The following THSD4 variants were observed in gnomAD, a reference collection of about 807,000 sequenced individuals.
The protein encoded by THSD4 is thrombospondin type-1 domain-containing protein 4.
Under a neutral mutation model 119.0 loss-of-function variants are expected in THSD4, and 69 were observed. The ratio of observed to expected loss-of-function variants is 0.58; its 90% CI spans 0.48 to 0.71. The LOEUF (loss-of-function observed/expected upper bound fraction) is 0.71, where lower values mean the gene tolerates loss of function less well. THSD4 is among the 30% of genes least tolerant of loss of function. THSD4 has a pLI of 0.00. For synonymous variants in THSD4, 524 were observed against 540.4 expected, an observed-to-expected ratio of 0.97 and a Z score of 0.42; for missense variants, 1,393 against 1,391.1, an observed-to-expected ratio of 1.00 and a Z score of -0.02.
chr15:71,354,030 C>T (rs962328542), intron 6 of THSD4, among the ~76,000 whole-genome samples: 2 of 152,218 alleles, frequency 1.3e-5, no homozygotes, highest in African/African-American at 4.8e-5. Context: ...GGTGTGGTAG[C>T]TCATGCCCAT....
intron 2 of THSD4, among the ~76,000 whole-genome samples, chr15:71,153,409 C>A (rs1172849675): frequency 1.3e-5 from 2 of 152,174 alleles, no homozygotes; most frequent in African/African-American, 4.8e-5. Flanking sequence ...TACTTAGTAT[C>A]CATGTTCTCA....
chr15:71,544,877 C>T (rs112341151), intron 7 of THSD4, among the ~76,000 whole-genome samples: 1 of 152,174 alleles, frequency 6.6e-6, no homozygotes, highest in Non-Finnish European at 1.5e-5. Flanking sequence ...ACCTTGGGAA[C>T]ATGCTCTGTG....
chr15:71,396,948 T>G (rs2140478422), intron 6 of THSD4, among the ~76,000 whole-genome samples: 1 of 152,358 alleles, frequency 6.6e-6, no homozygotes, highest in Non-Finnish European at 1.5e-5. Context: ...TGAAACTATG[T>G]GTCTAGGAAC....
chr15:71,377,513 G>A (rs2046154615), intron 6 of THSD4, among the ~76,000 whole-genome samples: 1 of 152,112 alleles, frequency 6.6e-6, no homozygotes, highest in Admixed American at 6.5e-5. Flanking sequence ...CAGGGGAAGG[G>A]AACCAGGGGG....
intron 9 of THSD4, chr15:71,729,944 C>T (rs911007529): frequency 3.9e-5 from 6 of 152,108 alleles, no homozygotes; most frequent in African/African-American, 1.4e-4. Flanking sequence ...TTCTGCAACG[C>T]CGATGGTTTG....
chr15:71,398,377 G>A (rs1034030393), intron 6 of THSD4, among the ~76,000 whole-genome samples: 4 of 152,054 alleles, frequency 2.6e-5, no homozygotes, highest in African/African-American at 9.7e-5. Context: ...GAAGAAGGAA[G>A]GTTTGGGGAA....
At chr15:71,463,859 A>G (rs912527308) in intron 7 of THSD4, among the ~76,000 whole-genome samples, 2 of 152,078 alleles carry the variant, frequency 1.3e-5, no homozygotes, top group East Asian at 3.9e-4. Context: ...CCATCCTTCT[A>G]CCATCAGGAT....
At chr15:71,659,814 T>G (rs2051266088) in intron 7 of THSD4, among the ~76,000 whole-genome samples, 1 of 152,150 alleles carries the variant, frequency 6.6e-6, no homozygotes, top group Admixed American at 6.5e-5. Context: ...ATGGGAAGAT[T>G]CCTTTTGTCG....
intron 7 of THSD4, among the ~76,000 whole-genome samples, chr15:71,540,135 C>CTTTTTTT (rs35668266): frequency 1.1e-5 from 1 of 95,154 alleles, no homozygotes; most frequent in African/African-American, 3.6e-5. Flanking sequence ...ATTTTATTTA[C>CTTTTTTT]TTTTTTTTTT....
At chr15:71,407,029 T>G (rs2046618709) in intron 6 of THSD4, among the ~76,000 whole-genome samples, 1 of 152,138 alleles carries the variant, frequency 6.6e-6, no homozygotes, top group African/African-American at 2.4e-5. Flanking sequence ...TGTTATGTCT[T>G]CCTGATGGAT....
chr15:71,486,786 A>G (rs911482367), intron 7 of THSD4, among the ~76,000 whole-genome samples: 12 of 151,968 alleles, frequency 7.9e-5, no homozygotes, highest in Admixed American at 1.3e-4. Flanking sequence ...ACGCTTTGCA[A>G]TTTTGGAGTG....
At chr15:71,388,811 A>G (rs1421298518) in intron 6 of THSD4, among the ~76,000 whole-genome samples, 1 of 152,086 alleles carries the variant, frequency 6.6e-6, no homozygotes, top group Non-Finnish European at 1.5e-5. Context: ...CTTACCATCC[A>G]ATATGGTTTG....
At chr15:71,563,915 C>T (rs758112733) in intron 7 of THSD4, among the ~76,000 whole-genome samples, 1 of 152,060 alleles carries the variant, frequency 6.6e-6, no homozygotes, top group Non-Finnish European at 1.5e-5. Flanking sequence ...TGAGGTAGCC[C>T]TGACTTGTTT....
intron 3 of THSD4, among the ~76,000 whole-genome samples, chr15:71,203,344 G>C (rs190937057): frequency 1.3e-3 from 201 of 152,212 alleles, no homozygotes; most frequent in Non-Finnish European, 2.4e-3. Flanking sequence ...TAACACAGTA[G>C]GGCTAGGTTT....
intron 1 of THSD4, among the ~76,000 whole-genome samples, chr15:71,131,803 G>C (rs1346902295): frequency 6.6e-6 from 1 of 152,172 alleles, no homozygotes; most frequent in African/African-American, 2.4e-5. Flanking sequence ...CTACCTTAGT[G>C]AAGCTGCTAG....
chr15:71,118,711 G>A (rs1015218590), intron 1 of THSD4, among the ~76,000 whole-genome samples: 1 of 152,076 alleles, frequency 6.6e-6, no homozygotes, highest in East Asian at 1.9e-4. Context: ...TTACTTATGC[G>A]CAGATATAAA....
intron 8 of THSD4, among the ~76,000 whole-genome samples, chr15:71,705,410 A>C (rs1036353885): frequency 4.6e-5 from 7 of 152,160 alleles, no homozygotes; most frequent in African/African-American, 1.7e-4. Context: ...TTCTATTGTT[A>C]ATGAAGTATT....
At chr15:71,736,481 C>T (rs1304314268) in intron 10 of THSD4, among the ~76,000 whole-genome samples, 1 of 152,094 alleles carries the variant, frequency 6.6e-6, no homozygotes, top group African/African-American at 2.4e-5. Flanking sequence ...CTCTCTCACT[C>T]TCTGTCTCTG....
chr15:71,252,559 GAC>G (rs2044271513), intron 5 of THSD4, among the ~76,000 whole-genome samples: 1 of 152,214 alleles, frequency 6.6e-6, no homozygotes. Context: ...ATCCTGACAA[GAC>G]ACAGTTATGG....
Sources: gnomAD v4.1 joint callset for allele counts (sites outside exome capture counted in the v4.1 genomes callset) on GRCh38, gnomAD v4.1.1 for gene constraint, MANE v1.5 for transcripts, NCBI Gene and HGNC (gene_info 2026-07-23, HGNC 2026-07-21) for gene names.